Variants in SCNN1A observed in about 807,000 individuals in gnomAD.
The protein encoded by SCNN1A is epithelial sodium channel subunit alpha.
A neutral mutation model predicts 68.6 loss-of-function variants in SCNN1A; 65 were observed. The ratio of observed to expected loss-of-function variants is 0.95; its 90% CI spans 0.78 to 1.16. The LOEUF (loss-of-function observed/expected upper bound fraction) is 1.16, where lower values mean the gene tolerates loss of function less well. Ranked by LOEUF, SCNN1A falls within the 50% of genes most tolerant of loss-of-function variation. SCNN1A has a pLI of 0.00. For synonymous variants in SCNN1A, 357 were observed against 353.3 expected (o/e 1.01, Z -0.12); for missense variants, 880 against 865.9 (o/e 1.02, Z -0.20).
In SCNN1A at chr12:6,362,134, T is replaced by C. The variant is rs754052676; in HGVS notation, c.792A>G (p.Pro264=). The C allele has an allele frequency of 6.2e-6, 10 of 1,614,052 alleles. No individual in the cohort carries two copies. The South Asian group carries it at 1.1e-4, about 18-fold the overall frequency. ...CCTCCTCCAGGGATGGCAGAGTCTC[T>C]GGCAGCCTCGACAGGATGTTGATGT... is the stretch of plus-strand genomic sequence containing the variant. ...FHYINILSRL[P]ETLPSLEEDT... Residue 264 remains proline, a synonymous_variant, in exon 4 of 13, where the codon CCA becomes CCG. Coordinates refer to ENST00000228916, the MANE Select transcript of SCNN1A (RefSeq NM_001038.6).
chr12:6,375,281 CCT>C, intron 1 of SCNN1A: 2 of 1,438,464 alleles, frequency 1.4e-6, no homozygotes. Flanking sequence ...TCTAATCCTG[CCT>C]CTCTTCCTCT....
chr12:6,358,969 T>C (rs931904394), intron 4 of SCNN1A, among the ~76,000 whole-genome samples: 1 of 151,904 alleles, frequency 6.6e-6, no homozygotes, highest in Non-Finnish European at 1.5e-5. Flanking sequence ...GAAAACGTTA[T>C]GCTAAATGAA....
chr12:6,361,697 C>T (rs560343859), intron 4 of SCNN1A, among the ~76,000 whole-genome samples: 12 of 152,258 alleles, frequency 7.9e-5, no homozygotes, highest in Non-Finnish European at 1.6e-4. Flanking sequence ...CAGCCGAGAT[C>T]GCGCCATTGC....
intron 3 of SCNN1A, 80 bp from the exon 4 acceptor site, chr12:6,362,321 G>C: frequency 8.0e-7 from 1 of 1,257,050 alleles, no homozygotes; most frequent in Middle Eastern, 1.9e-4. Context: ...AAGAATGAGT[G>C]ATCTGGGGTT....
In SCNN1A at chr12:6,354,498, T is replaced by G. The variant is rs778899717; in HGVS notation, c.1300A>C (p.Ile434Leu). The stretch of plus-strand genomic sequence containing the variant: ...ACGTTCTGGGGCCGCGGATAGAAGA[T>G]GTAGGCACAGCCACACTCCTTGATC... ...SMIKECGCAYIFYPRPQNVEY... is the reference protein window; with the variant it reads ...SMIKECGCAYLFYPRPQNVEY... The change falls in exon 8 of 13, where the codon ATC becomes CTC. Residue 434 changes from isoleucine to leucine, a missense_variant. Ile to Leu is a conservative substitution (Grantham distance 5). Around this residue, in one of 3 missense-constraint regions of SCNN1A, gnomAD observed 758 missense variants for 721.8 expected, o/e 1.05. Coordinates refer to ENST00000228916, the MANE Select transcript of SCNN1A (RefSeq NM_001038.6). The G allele has an allele frequency of 3.1e-6, 5 of 1,613,800 alleles. No individual in the cohort carries two copies. Among genetic ancestry groups the G allele is most frequent in the Non-Finnish European group, 4.2e-6 (5 of 1,179,996 alleles).
chr12:6,350,311 A>G (rs1948360390), intron 8 of SCNN1A, among the ~76,000 whole-genome samples: 2 of 151,774 alleles, frequency 1.3e-5, no homozygotes, highest in East Asian at 2.0e-4. Flanking sequence ...GGGCGCCTGT[A>G]GTCCCAGCTA....
chr12:6,361,792 G>C (rs1025657188), intron 4 of SCNN1A, among the ~76,000 whole-genome samples: 1 of 152,182 alleles, frequency 6.6e-6, no homozygotes, highest in African/African-American at 2.4e-5. Context: ...CCAGCCTTTG[G>C]TTTCTCAAAG....
chr12:6,370,365 C>A (rs961632670), intron 2 of SCNN1A, among the ~76,000 whole-genome samples: 3 of 152,224 alleles, frequency 2.0e-5, no homozygotes, highest in Non-Finnish European at 2.9e-5. Context: ...CCTTTCCCTG[C>A]AGCTGGCCCT....
intron 2 of SCNN1A, among the ~76,000 whole-genome samples, chr12:6,368,273 C>A (rs146899177): frequency 1.4e-4 from 21 of 152,166 alleles, no homozygotes; most frequent in Non-Finnish European, 2.9e-4. Context: ...CGATAATATT[C>A]GTGGACAGGA....
At chr12:6,349,264 C>T (rs1948326841) in intron 9 of SCNN1A, 43 bp from the exon 10 acceptor site, 1 of 1,613,526 alleles carries the variant, frequency 6.2e-7, no homozygotes, top group Admixed American at 1.7e-5. Flanking sequence ...CAGAGCTCTC[C>T]CAAATGCTTG....
In SCNN1A at chr12:6,358,328, G is replaced by A. The variant is rs1948530806; in HGVS notation, c.876-2448C>T. ...GAATTTAGAACCTTCATACATTGCT[G>A]TTGGGAATGTTAAATGGTGTGACCA... On this transcript the variant is annotated intron_variant, in intron 4 of 12. Coordinates refer to ENST00000228916, the MANE Select transcript of SCNN1A (RefSeq NM_001038.6). Among the ~76,000 whole-genome samples, 4 of 152,188 alleles carry A rather than the reference G, an allele frequency of 2.6e-5. No individual in the cohort carries two copies. In the South Asian group the frequency reaches 8.3e-4, roughly 31 times the overall value.
At chr12:6,369,126 C>T (rs867331845) in intron 2 of SCNN1A, among the ~76,000 whole-genome samples, 1 of 152,066 alleles carries the variant, frequency 6.6e-6, no homozygotes, top group Non-Finnish European at 1.5e-5. Flanking sequence ...CCCAGGCTGG[C>T]TCAAGTCCCT....
At chr12:6,370,068 T>A (rs1565485818) in intron 2 of SCNN1A, among the ~76,000 whole-genome samples, 2 of 152,192 alleles carry the variant, frequency 1.3e-5, no homozygotes, top group African/African-American at 4.8e-5. Flanking sequence ...GGCCTTGACC[T>A]CCTCCTCAGG....
chr12:6,363,346 C>T, intron 3 of SCNN1A, 97 bp downstream of exon 3: 1 of 1,119,260 alleles, frequency 8.9e-7, no homozygotes, highest in Non-Finnish European at 1.2e-6. Flanking sequence ...TGTCACTGGG[C>T]TGCGCGGGCG....
intron 2 of SCNN1A, among the ~76,000 whole-genome samples, chr12:6,367,480 G>C (rs182528742): frequency 1.4e-4 from 22 of 152,264 alleles, no homozygotes; most frequent in Admixed American, 9.8e-4. Flanking sequence ...AAAACACAGG[G>C]AAGAATTCCA....
At chr12:6,355,711 C>A in intron 5 of SCNN1A, 66 bp downstream of exon 5, 2 of 1,166,692 alleles carry the variant, frequency 1.7e-6, no homozygotes, top group Non-Finnish European at 2.6e-6. Context: ...AGGAGGTGAG[C>A]TCAAGGTAAG....
At chr12:6,354,990 C>T (rs1291356049) in intron 6 of SCNN1A, 142 bp from the exon 7 acceptor site, 4 of 796,548 alleles carry the variant, frequency 5.0e-6, no homozygotes, top group East Asian at 2.5e-5. Flanking sequence ...TTCCAGCCAC[C>T]CCCATGCCCA....
At chr12:6,366,204 A>G (rs1187262358) in intron 2 of SCNN1A, among the ~76,000 whole-genome samples, 14 of 152,166 alleles carry the variant, frequency 9.2e-5, no homozygotes, top group Admixed American at 9.2e-4. Context: ...AGCTAGTGAG[A>G]ATATAAAATG....
Position 6,374,944 on chromosome 12 carries a change from C to A in SCNN1A, c.-54-107G>T, listed in dbSNP as rs1948875857. 1 of 1,583,066 alleles carries A rather than the reference C, an allele frequency of 6.3e-7. No individual in the cohort carries two copies. Among genetic ancestry groups the A allele is most frequent in the East Asian group, 2.3e-5 (1 of 43,246 alleles). On this transcript the variant is annotated intron_variant, in intron 1 of 12. Transcript: ENST00000228916. The surrounding 1 kb of genome is among the most constrained non-coding windows in gnomAD (Gnocchi z 6.2). ...CACCCCTGGAACCCGAGTGAGGCTG[C>A]CCCTGGCCATGCCCATGTCCCACCC...
Sources: gnomAD v4.1 joint callset for allele counts (sites outside exome capture counted in the v4.1 genomes callset) on GRCh38, gnomAD v4.1.1 for gene constraint, gnomAD v4.1.1 regional missense constraint, Gnocchi (gnomAD v3.1) non-coding constraint, MANE v1.5 for transcripts, NCBI Gene and HGNC (gene_info 2026-07-23, HGNC 2026-07-21) for gene names.